Variants in ATP2C2 observed in about 807,000 individuals in gnomAD.
ATP2C2 encodes the protein calcium-transporting ATPase type 2C member 2.
A neutral mutation model predicts 110.8 loss-of-function variants in ATP2C2; 171 were observed. The observed-to-expected ratio is 1.54, with a 90% CI of 1.36 to 1.75. ATP2C2 has a LOEUF of 1.75. Among genes scored for constraint, ATP2C2 ranks in the 40% most tolerant of loss-of-function variants. The pLI, the probability that ATP2C2 is intolerant of heterozygous loss-of-function variation, is 0.00. For synonymous variants in ATP2C2, 804 were observed against 508.4 expected, an observed-to-expected ratio of 1.58 and a Z score of -7.82; for missense variants, 1,963 against 1,235.0, an observed-to-expected ratio of 1.59 and a Z score of -8.84.
At chr16:84,414,266 G>A (rs1002892737) in intron 6 of ATP2C2, among the ~76,000 whole-genome samples, 6 of 152,170 alleles carry the variant, frequency 3.9e-5, no homozygotes, top group Admixed American at 3.9e-4. Flanking sequence ...TTGTCTCATA[G>A]CCAGGGATCT....
chr16:84,414,974 C>T (rs1906704791), intron 6 of ATP2C2, among the ~76,000 whole-genome samples: 1 of 151,912 alleles, frequency 6.6e-6, no homozygotes, highest in South Asian at 2.1e-4. Flanking sequence ...GGGCAAGCGG[C>T]GGTGGTGTGG....
chr16:84,416,876 G>A (rs1418384046), intron 7 of ATP2C2, among the ~76,000 whole-genome samples: 1 of 152,094 alleles, frequency 6.6e-6, no homozygotes, highest in Non-Finnish European at 1.5e-5. Flanking sequence ...GAGGACTGGG[G>A]AAGCTGGGCT....
At chr16:84,437,846 AC>A (rs1325203644) in intron 11 of ATP2C2, among the ~76,000 whole-genome samples, 1 of 152,010 alleles carries the variant, frequency 6.6e-6, no homozygotes, top group Non-Finnish European at 1.5e-5. Context: ...TCAAAAAGAA[AC>A]CCTGTGCCCT....
chr16:84,418,953 A>T (rs1907075679), intron 7 of ATP2C2, among the ~76,000 whole-genome samples: 1 of 152,102 alleles, frequency 6.6e-6, no homozygotes, highest in African/African-American at 2.4e-5. Context: ...TCACTCCTGT[A>T]ATCCCAGCAC....
At chr16:84,453,086 G>C (rs1229739787) in intron 18 of ATP2C2, 52 bp from the exon 19 acceptor site, 33 of 1,543,066 alleles carry the variant, frequency 2.1e-5, no homozygotes, top group Non-Finnish European at 2.8e-5. Context: ...CCGGGAGTGA[G>C]GGGTGGGGAC....
At chr16:84,423,770 C>T (rs1052356953) in intron 10 of ATP2C2, among the ~76,000 whole-genome samples, 2 of 152,224 alleles carry the variant, frequency 1.3e-5, no homozygotes, top group Non-Finnish European at 2.9e-5. Flanking sequence ...ACATGGCCTA[C>T]ATAACTGCAA....
intron 3 of ATP2C2, among the ~76,000 whole-genome samples, chr16:84,407,820 C>T (rs564948389): frequency 6.6e-6 from 1 of 152,282 alleles, no homozygotes; most frequent in East Asian, 1.9e-4. Flanking sequence ...GGTCTGCCTT[C>T]TGAATCCGGT....
chr16:84,397,432 C>G (rs565679161), intron 1 of ATP2C2, among the ~76,000 whole-genome samples: 2 of 151,638 alleles, frequency 1.3e-5, no homozygotes, highest in South Asian at 2.1e-4. Flanking sequence ...TATTGTTGCC[C>G]TACTCTGTCC....
intron 11 of ATP2C2, chr16:84,438,951 T>G: frequency 1.8e-6 from 1 of 545,336 alleles, no homozygotes; most frequent in Non-Finnish European, 3.2e-6. Flanking sequence ...ACAGGAGAGG[T>G]CCCTTCCCAA....
At chr16:84,410,678 A>T in intron 5 of ATP2C2, 26 bp from the exon 6 acceptor site, 1 of 1,614,058 alleles carries the variant, frequency 6.2e-7, no homozygotes, top group South Asian at 1.1e-5. Context: ...ACCTTTAAAC[A>T]GCACATCTGA....
chr16:84,441,568 C>T (rs1909261867), intron 14 of ATP2C2, among the ~76,000 whole-genome samples: 1 of 152,198 alleles, frequency 6.6e-6, no homozygotes, highest in Non-Finnish European at 1.5e-5. Flanking sequence ...TGCAAAGGAC[C>T]TGCCTCCAGG....
At position 84,404,255 on chromosome 16, in the gene ATP2C2, C is replaced by T. The variant is rs567314792; in HGVS notation, c.211-873C>T. ...CCTCTCATGGGAGGGTCTTAAGACC[C>T]ACAGTCAGCAAAGCGGGTTACATTA... On this transcript the variant is annotated intron_variant, in intron 2 of 26. Coordinates refer to ENST00000262429, the MANE Select transcript of ATP2C2 (RefSeq NM_014861.4). Among the ~76,000 whole-genome samples the T allele has an allele frequency of 6.6e-5, 10 of 152,306 alleles. No homozygotes were observed. In the South Asian group the frequency reaches 1.4e-3, roughly 22 times the overall value.
chr16:84,418,477 A>C (rs1907032056), intron 7 of ATP2C2, among the ~76,000 whole-genome samples: 1 of 152,150 alleles, frequency 6.6e-6, no homozygotes, highest in South Asian at 2.1e-4. Context: ...TTGTCATATG[A>C]AGACAACGAA....
At chr16:84,429,378 C>T (rs11641410) in intron 11 of ATP2C2, among the ~76,000 whole-genome samples, 17,500 of 152,128 alleles carry the variant, frequency 0.12, 1,184 homozygotes, top group South Asian at 0.22. Context: ...GTCTTGAACT[C>T]CTGACCTCAG....
At chr16:84,462,227 G>A (rs912675036) in intron 26 of ATP2C2, 98 bp downstream of exon 26, 31 of 1,486,664 alleles carry the variant, frequency 2.1e-5, no homozygotes, top group East Asian at 4.6e-5. Context: ...GGGTCAGTGC[G>A]GGAAAGCAGA....
chr16:84,423,072 T>G, intron 9 of ATP2C2, 116 bp from the exon 10 acceptor site: 3 of 813,874 alleles, frequency 3.7e-6, no homozygotes, highest in Non-Finnish European at 2.1e-6. Flanking sequence ...TTGACATATG[T>G]GTACCCCTGT....
chr16:84,380,600 A>G (rs1910519061), intron 1 of ATP2C2, among the ~76,000 whole-genome samples: 1 of 152,074 alleles, frequency 6.6e-6, no homozygotes, highest in Admixed American at 6.6e-5. Flanking sequence ...TTTCTGCGCA[A>G]GTCTAGAGAG....
intron 16 of ATP2C2, among the ~76,000 whole-genome samples, chr16:84,446,958 G>A (rs915980056): frequency 2.0e-5 from 3 of 152,142 alleles, no homozygotes; most frequent in African/African-American, 7.2e-5. Flanking sequence ...GTGTCTGTGT[G>A]GTGCATCAGC....
In ATP2C2 at chr16:84,396,846, C is replaced by T. The variant is rs563297188; in HGVS notation, c.100-1653C>T. 4.5e-4 allele frequency among the ~76,000 whole-genome samples: 68 copies of T among 152,040 alleles called. 3 individuals are homozygous for T. Among genetic ancestry groups the T allele is most frequent in the African/African-American group, 1.5e-3 (64 of 41,318 alleles). On this transcript the variant is annotated intron_variant, in intron 1 of 26. Coordinates refer to ENST00000262429, the MANE Select transcript of ATP2C2 (RefSeq NM_014861.4). ...AAGCCTGCTTAAAGATCTGCGTAAT[C>T]GCTGCTGTGCTCCTGGGCACTGGGC...
Sources: allele counts gnomAD v4.1 joint callset (sites outside exome capture counted in the v4.1 genomes callset), GRCh38; gene constraint gnomAD v4.1.1; transcripts MANE v1.5; gene names NCBI Gene and HGNC (gene_info 2026-07-23, HGNC 2026-07-21).